STX18: variants seen among roughly 807,000 people sequenced by gnomAD.
The protein encoded by STX18 is syntaxin 18.
STX18 carries 40 observed loss-of-function variants against 50.1 expected under a neutral mutation model. The ratio of observed to expected loss-of-function variants is 0.80; its 90% CI spans 0.62 to 1.04. STX18 has a LOEUF of 1.04. Ranked by LOEUF, STX18 falls within the 50% of genes least tolerant of loss-of-function variation. STX18 has a pLI of 0.00. For synonymous variants in STX18, 158 were observed against 151.8 expected (o/e 1.04, Z -0.30); for missense variants, 410 against 415.8 (o/e 0.99, Z 0.12).
chr4:4,527,867 C>CACACATATATATATAT (rs372566368), intron 1 of STX18, among the ~76,000 whole-genome samples: 24 of 137,204 alleles, frequency 1.7e-4, no homozygotes, highest in African/African-American at 6.3e-4. Context: ...CACACACACA[C>CACACATATATATATAT]ATATATATAT....
chr4:4,527,279 C>G (rs1427853725), intron 1 of STX18, among the ~76,000 whole-genome samples: 1 of 152,136 alleles, frequency 6.6e-6, no homozygotes, highest in Non-Finnish European at 1.5e-5. Flanking sequence ...TTCCTTTCTA[C>G]CTGTATAAAG....
intron 7 of STX18, among the ~76,000 whole-genome samples, chr4:4,430,981 G>C (rs1577315144): frequency 6.6e-6 from 1 of 152,132 alleles, no homozygotes. Flanking sequence ...AGAGCATCAG[G>C]TGATTACGAA....
intron 9 of STX18, among the ~76,000 whole-genome samples, chr4:4,422,276 C>T (rs1167298115): frequency 6.6e-6 from 1 of 152,106 alleles, no homozygotes; most frequent in Non-Finnish European, 1.5e-5. Context: ...GACTTAGGAA[C>T]TCCCAGTGGG....
At chr4:4,425,383 C>A in intron 7 of STX18, 161 bp from the exon 8 acceptor site, 1 of 645,724 alleles carries the variant, frequency 1.5e-6, no homozygotes, top group Non-Finnish European at 2.8e-6. Context: ...TTAGTGTGAA[C>A]AACGTCCCTG....
chr4:4,533,049 T>C (rs181110038), intron 1 of STX18, among the ~76,000 whole-genome samples: 2 of 152,304 alleles, frequency 1.3e-5, no homozygotes, highest in Admixed American at 6.5e-5. Context: ...GTATTCATAG[T>C]CTTTGAGGAT....
chr4:4,452,001 A>C (rs978494743), intron 5 of STX18, among the ~76,000 whole-genome samples: 1 of 152,254 alleles, frequency 6.6e-6, no homozygotes, highest in African/African-American at 2.4e-5. Flanking sequence ...ACTAAAGGAA[A>C]TTAAAGTGCT....
chr4:4,482,405 C>T (rs1246153388), intron 1 of STX18, among the ~76,000 whole-genome samples: 1 of 152,220 alleles, frequency 6.6e-6, no homozygotes, highest in African/African-American at 2.4e-5. Flanking sequence ...CACTCACACC[C>T]TCTGGCTTAC....
At chr4:4,487,250 A>G (rs1728739766) in intron 1 of STX18, among the ~76,000 whole-genome samples, 1 of 152,238 alleles carries the variant, frequency 6.6e-6, no homozygotes, top group Non-Finnish European at 1.5e-5. Context: ...CTGCATGGTC[A>G]CACTAAGCAG....
intron 1 of STX18, 48 bp from the exon 2 acceptor site, chr4:4,471,754 CAT>C: frequency 7.7e-7 from 1 of 1,296,164 alleles, no homozygotes; most frequent in East Asian, 2.4e-5. Flanking sequence ...ATGTTACACT[CAT>C]GTAATGAATT....
intron 1 of STX18, among the ~76,000 whole-genome samples, chr4:4,527,453 C>T (rs1254848615): frequency 6.6e-6 from 1 of 152,156 alleles, no homozygotes; most frequent in Non-Finnish European, 1.5e-5. Flanking sequence ...TAACTAGTCT[C>T]TTTTACATCA....
Position 4,423,561 on chromosome 4 carries a change from A to G in STX18, c.788T>C (p.Ile263Thr). The G allele has an allele frequency of 6.2e-7, 1 of 1,614,196 alleles. No homozygotes were observed. Reference protein sequence around the residue: ...VRQIEGRVVEISRLQEIFTEK... With the variant: ...VRQIEGRVVETSRLQEIFTEK... ...CGTGAATATCTCTTGGAGTCTGGAA[A>G]TCTCAACCACTCTCCCTTCGATTTG... is the stretch of plus-strand genomic sequence containing the variant. The change falls in exon 9 of 11, where the codon ATT becomes ACT. Residue 263 changes from isoleucine to threonine, a missense_variant. Coordinates refer to ENST00000306200, the MANE Select transcript of STX18 (RefSeq NM_016930.4).
chr4:4,471,586 G>A (rs1727921899), intron 2 of STX18, 53 bp downstream of exon 2: 7 of 1,206,910 alleles, frequency 5.8e-6, no homozygotes, highest in South Asian at 3.5e-5. Flanking sequence ...AAGAAATATA[G>A]GTGTAGAAAA....
chr4:4,501,898 C>T (rs967381675), intron 1 of STX18, among the ~76,000 whole-genome samples: 3 of 152,194 alleles, frequency 2.0e-5, no homozygotes, highest in African/African-American at 7.2e-5. Context: ...CTTGTAACTT[C>T]ACAGAAAACC....
intron 1 of STX18, among the ~76,000 whole-genome samples, chr4:4,505,272 G>C (rs980479234): frequency 6.6e-5 from 10 of 152,156 alleles, no homozygotes; most frequent in Non-Finnish European, 1.5e-4. Context: ...TCATAGCTTA[G>C]CCTTGCCTAC....
At chr4:4,448,275 T>G (rs949052392) in intron 5 of STX18, among the ~76,000 whole-genome samples, 2 of 152,200 alleles carry the variant, frequency 1.3e-5, no homozygotes, top group Non-Finnish European at 2.9e-5. Context: ...ACAATGGGAT[T>G]TGGAGCCAAC....
chr4:4,436,982 G>A (rs1362632954), intron 6 of STX18, among the ~76,000 whole-genome samples: 2 of 115,044 alleles, frequency 1.7e-5, no homozygotes, highest in East Asian at 2.3e-4. Context: ...TTTTTGAGAC[G>A]GAATTTCGCT....
chr4:4,528,506 T>C (rs936092366), intron 1 of STX18, among the ~76,000 whole-genome samples: 4 of 152,204 alleles, frequency 2.6e-5, no homozygotes, highest in African/African-American at 9.7e-5. Context: ...TTCCTGAGGC[T>C]TCACAAAAGC....
chr4:4,507,445 G>A (rs1020891401), intron 1 of STX18: 40 of 760,046 alleles, frequency 5.3e-5, no homozygotes, highest in South Asian at 1.5e-4. Flanking sequence ...GCTAGTATGC[G>A]AACTGGAGAA....
chr4:4,528,124 T>C (rs1436370428), intron 1 of STX18, among the ~76,000 whole-genome samples: 2 of 152,142 alleles, frequency 1.3e-5, no homozygotes, highest in African/African-American at 2.4e-5. Flanking sequence ...GGGCTGTGGA[T>C]GCAAAGCTTC....
Sources: gnomAD v4.1 joint callset for allele counts (sites outside exome capture counted in the v4.1 genomes callset) on GRCh38, gnomAD v4.1.1 for gene constraint, MANE v1.5 for transcripts, NCBI Gene and HGNC (gene_info 2026-07-23, HGNC 2026-07-21) for gene names.